Variants in VSTM4 observed in about 807,000 individuals in gnomAD.
VSTM4 encodes the protein V-set and transmembrane domain containing 4.
A neutral mutation model predicts 36.4 loss-of-function variants in VSTM4; 20 were observed. The ratio of observed to expected loss-of-function variants is 0.55; its 90% CI spans 0.39 to 0.80. The LOEUF is 0.80. Among genes scored for constraint, VSTM4 ranks in the 30% least tolerant of loss-of-function variants. The probability of loss-of-function intolerance (pLI) is 0.00; values close to 1 mark genes in which losing one functional copy is unlikely to be tolerated. For missense variants in VSTM4, 392 were observed against 404.5 expected, an observed-to-expected ratio of 0.97 and a Z score of 0.26; for synonymous variants, 182 against 173.9, an observed-to-expected ratio of 1.05 and a Z score of -0.37.
At chr10:49,076,048 C>G (rs1844172004) in intron 4 of VSTM4, among the ~76,000 whole-genome samples, 1 of 152,130 alleles carries the variant, frequency 6.6e-6, no homozygotes, top group Admixed American at 6.5e-5. Flanking sequence ...CCCTTAAGGT[C>G]TAGGATGGAA....
intron 2 of VSTM4, among the ~76,000 whole-genome samples, chr10:49,105,699 G>A (rs35586957): frequency 0.091 from 13,842 of 152,198 alleles, 859 homozygotes; most frequent in South Asian, 0.21. Context: ...CTGCTTACTT[G>A]AAGGTAGCAA....
intron 5 of VSTM4, among the ~76,000 whole-genome samples, chr10:49,058,907 G>A (rs1590094635): frequency 6.6e-6 from 1 of 152,282 alleles, no homozygotes; most frequent in East Asian, 1.9e-4. Flanking sequence ...CATTCTTCTT[G>A]ATCACAGCTT....
At chr10:49,053,672 T>C (rs763777807) in intron 5 of VSTM4, among the ~76,000 whole-genome samples, 1 of 152,246 alleles carries the variant, frequency 6.6e-6, no homozygotes, top group Non-Finnish European at 1.5e-5. Context: ...GGGAGGATGA[T>C]GTTGCCACTT....
chr10:49,097,451 A>T (rs192291113), intron 2 of VSTM4, among the ~76,000 whole-genome samples: 1,582 of 127,084 alleles, frequency 0.012, 12 homozygotes, highest in Non-Finnish European at 0.016. Flanking sequence ...AAAGGAAGGT[A>T]AAAAAAAAGG....
At chr10:49,060,954 A>G (rs1843866589) in intron 5 of VSTM4, among the ~76,000 whole-genome samples, 1 of 152,198 alleles carries the variant, frequency 6.6e-6, no homozygotes, top group Non-Finnish European at 1.5e-5. Context: ...TGCCATCTCT[A>G]TCAAAAGTCA....
intron 4 of VSTM4, among the ~76,000 whole-genome samples, chr10:49,067,777 G>A (rs1843999163): frequency 6.6e-6 from 1 of 152,170 alleles, no homozygotes; most frequent in Non-Finnish European, 1.5e-5. Context: ...ATACACCTGG[G>A]AAGTGCCAAA....
Position 49,085,892 on chromosome 10 carries a change from A to T in VSTM4, c.526+63T>A, listed in dbSNP as rs998214091. 94 of 984,308 alleles carry T rather than the reference A, an allele frequency of 9.5e-5. 3 individuals are homozygous for T. Among genetic ancestry groups the T allele is most frequent in the South Asian group, 7.9e-4 (48 of 60,698 alleles). The allele number at this position is 984,308 out of a possible 1,614,324, so 61.0% of individuals were successfully genotyped here. A position where few individuals can be genotyped will look rare whatever the true frequency, so the allele number is the denominator to read the frequency against. On this transcript the variant is annotated intron_variant, in intron 3 of 7. Coordinates refer to ENST00000332853, the MANE Select transcript of VSTM4 (RefSeq NM_001031746.5). ...TACCCTAGAACTTAAAGTATAATTT[A>T]AAAAAAAAGAAAAAGAAAAAGCAAC...
chr10:49,082,912 G>A (rs1677351794), intron 3 of VSTM4, among the ~76,000 whole-genome samples: 1 of 152,206 alleles, frequency 6.6e-6, no homozygotes, highest in Non-Finnish European at 1.5e-5. Context: ...TGCAGAGACA[G>A]GCCAAGACTG....
chr10:49,089,629 G>A (rs747158571), intron 2 of VSTM4, among the ~76,000 whole-genome samples: 3 of 152,136 alleles, frequency 2.0e-5, no homozygotes, highest in South Asian at 2.1e-4. Flanking sequence ...TCACTCCCCC[G>A]CAGTGCAGAT....
chr10:49,056,509 T>A (rs979189682), intron 5 of VSTM4, among the ~76,000 whole-genome samples: 1 of 152,226 alleles, frequency 6.6e-6, no homozygotes, highest in African/African-American at 2.4e-5. Flanking sequence ...TTGTGCCTGC[T>A]GGTTAGGAAG....
intron 2 of VSTM4, among the ~76,000 whole-genome samples, chr10:49,087,228 G>T (rs1844385632): frequency 6.6e-6 from 1 of 151,818 alleles, no homozygotes; most frequent in African/African-American, 2.4e-5. Context: ...TATATTATTT[G>T]TTTAATTCTT....
intron 2 of VSTM4, chr10:49,103,919 G>GC: frequency 6.8e-7 from 1 of 1,477,668 alleles, no homozygotes. Flanking sequence ...CGGGCCTGGG[G>GC]TGGGGGGCAC....
chr10:49,105,992 T>C (rs1397099959), intron 2 of VSTM4, among the ~76,000 whole-genome samples: 1 of 152,184 alleles, frequency 6.6e-6, no homozygotes, highest in African/African-American at 2.4e-5. Context: ...TATGTGAAAA[T>C]AATAAGCCAA....
chr10:49,039,626 C>T (rs981123263), intron 7 of VSTM4, among the ~76,000 whole-genome samples: 8 of 152,014 alleles, frequency 5.3e-5, no homozygotes, highest in African/African-American at 1.7e-4. Context: ...AGAAGGAGGA[C>T]TTGCAGATGA....
intron 5 of VSTM4, among the ~76,000 whole-genome samples, chr10:49,058,127 C>T (rs371967931): frequency 5.3e-5 from 8 of 152,296 alleles, no homozygotes; most frequent in South Asian, 4.1e-4. Context: ...TATACCCTGC[C>T]GCTTCTCCTT....
intron 3 of VSTM4, among the ~76,000 whole-genome samples, chr10:49,083,354 C>G (rs1030207288): frequency 3.3e-5 from 5 of 152,114 alleles, no homozygotes; most frequent in African/African-American, 9.7e-5. Context: ...TGAACTAAGC[C>G]CCAGGAGGAT....
chr10:49,032,352 C>T (rs910419337), intron 7 of VSTM4, among the ~76,000 whole-genome samples: 4 of 152,188 alleles, frequency 2.6e-5, no homozygotes, highest in Admixed American at 6.5e-5. Flanking sequence ...GCAGTGACTC[C>T]GTAGCTTATT....
At position 49,015,184 on chromosome 10, in the gene VSTM4, C is replaced by T. The variant is rs976681315; in HGVS notation, c.*4466G>A. On this transcript the variant is annotated 3_prime_UTR_variant, in exon 8 of 8. Coordinates refer to ENST00000332853, the MANE Select transcript of VSTM4 (RefSeq NM_001031746.5). Reference sequence around the variant, plus strand: ...TTGCCCAGGCTGGAGTGCAGCAGCACGATCTCGGCTCACTGCAAGCTCCGC... The same window carrying T: ...TTGCCCAGGCTGGAGTGCAGCAGCATGATCTCGGCTCACTGCAAGCTCCGC... 18 of 149,356 alleles carry T rather than the reference C, an allele frequency of 1.2e-4. No individual in the cohort carries two copies. Among genetic ancestry groups the T allele is most frequent in the Non-Finnish European group, 1.9e-4 (13 of 67,754 alleles). 9.3% of individuals were successfully genotyped at this position (149,356 alleles called of 1,614,324 possible). A position where few individuals can be genotyped will look rare whatever the true frequency, so the allele number is the denominator to read the frequency against.
intron 7 of VSTM4, among the ~76,000 whole-genome samples, chr10:49,036,916 C>G (rs1344410364): frequency 6.6e-6 from 1 of 152,138 alleles, no homozygotes; most frequent in Non-Finnish European, 1.5e-5. Flanking sequence ...GCATTCTAAT[C>G]TTTGGGTTTC....
Sources: allele counts gnomAD v4.1 joint callset (sites outside exome capture counted in the v4.1 genomes callset), GRCh38; gene constraint gnomAD v4.1.1; transcripts MANE v1.5; gene names NCBI Gene and HGNC (gene_info 2026-07-23, HGNC 2026-07-21).